Variants in DCAF10 observed in about 807,000 individuals in gnomAD.
DCAF10 encodes the protein DDB1- and CUL4-associated factor 10.
DCAF10 carries 19 observed loss-of-function variants against 51.9 expected under a neutral mutation model. The ratio of observed to expected loss-of-function variants is 0.37; its 90% CI spans 0.26 to 0.54. The LOEUF (loss-of-function observed/expected upper bound fraction) is 0.54, where lower values mean the gene tolerates loss of function less well. Ranked by LOEUF, DCAF10 falls within the 20% of genes least tolerant of loss-of-function variation. DCAF10 has a pLI of 0.87. For synonymous variants in DCAF10, 291 were observed against 297.1 expected, an observed-to-expected ratio of 0.98 and a Z score of 0.21; for missense variants, 510 against 730.6, an observed-to-expected ratio of 0.70 and a Z score of 3.48.
intron 2 of DCAF10, among the ~76,000 whole-genome samples, chr9:37,827,862 T>C (rs971072325): frequency 1.2e-4 from 19 of 152,268 alleles, no homozygotes; most frequent in South Asian, 2.1e-4. Flanking sequence ...GGCTGTGGCA[T>C]TGGGGACAGA....
intron 2 of DCAF10, among the ~76,000 whole-genome samples, chr9:37,833,063 T>C (rs1241553558): frequency 2.6e-5 from 4 of 152,082 alleles, no homozygotes; most frequent in African/African-American, 9.7e-5. Flanking sequence ...ATAGGGTTTC[T>C]CTATGTTGCC....
In DCAF10 at chr9:37,861,197, T is replaced by A; in HGVS notation, c.1369T>A (p.Cys457Ser). The change falls in exon 7 of 7, where the codon TGT (cysteine) becomes AGT (serine). Residue 457 changes from cysteine to serine, a missense_variant. Around this residue, in one of 4 missense-constraint regions of DCAF10, gnomAD observed 104 missense variants for 206.2 expected, o/e 0.50. Transcript: ENST00000377724. The surrounding 1 kb of genome is among the most constrained non-coding windows in gnomAD (Gnocchi z 4.9). The part of the protein sequence containing the change: ...GAPVRPVSPR[C>S]SLRLTHYIEE... ...TCCAGTGCGACCTGTCTCACCTCGC[T>A]GTTCTCTACGACTGACTCATTACAT... 6.2e-7 allele frequency: 1 copy of A among 1,611,570 alleles called. No homozygotes were observed. Among genetic ancestry groups the A allele is most frequent in the Non-Finnish European group, 8.5e-7 (1 of 1,177,702 alleles).
At chr9:37,807,837 T>G (rs1341545807) in intron 1 of DCAF10, among the ~76,000 whole-genome samples, 4 of 151,940 alleles carry the variant, frequency 2.6e-5, no homozygotes, top group African/African-American at 9.7e-5. Context: ...TAATTTTGTA[T>G]TTTTAGTAGA....
chr9:37,844,663 A>G (rs746552195), intron 3 of DCAF10, among the ~76,000 whole-genome samples: 3 of 151,736 alleles, frequency 2.0e-5, no homozygotes, highest in African/African-American at 7.3e-5. Flanking sequence ...AACAATAACA[A>G]CAGCAACAAC....
intron 1 of DCAF10, among the ~76,000 whole-genome samples, chr9:37,803,009 GAGA>G (rs1270248472): frequency 6.6e-6 from 1 of 152,152 alleles, no homozygotes; most frequent in Non-Finnish European, 1.5e-5. Flanking sequence ...GGAGTATAAT[GAGA>G]AGAACAGATT....
intron 3 of DCAF10, among the ~76,000 whole-genome samples, chr9:37,850,826 T>TTATATATATA (rs71494679): frequency 1.1e-3 from 49 of 45,826 alleles, no homozygotes; most frequent in East Asian, 2.5e-3. Context: ...AGGATATATT[T>TTATATATATA]TATATATATA....
chr9:37,824,672 T>G (rs1829803130), intron 2 of DCAF10, among the ~76,000 whole-genome samples: 1 of 152,072 alleles, frequency 6.6e-6, no homozygotes, highest in Non-Finnish European at 1.5e-5. Flanking sequence ...TTTTCTTTGT[T>G]AAGAGTCAAC....
Position 37,800,954 on chromosome 9 carries a change from G to A in DCAF10, c.88G>A (p.Ala30Thr). Reference protein sequence around the residue: ...EEPTPHEGQAAATGPPSPLHP... With the variant: ...EEPTPHEGQATATGPPSPLHP... The stretch of plus-strand genomic sequence containing the variant: ...GCCGACGCCCCACGAGGGGCAGGCA[G>A]CAGCCACCGGGCCGCCCTCGCCACT... Residue 30 changes from alanine to threonine, a missense_variant, in exon 1 of 7, where the codon GCA (alanine) becomes ACA (threonine). By Grantham distance (58) the Ala-to-Thr change is moderately conservative. Coordinates refer to ENST00000377724, the MANE Select transcript of DCAF10 (RefSeq NM_024345.5). 6.7e-7 allele frequency: 1 copy of A among 1,502,454 alleles called. No homozygotes were observed. The highest frequency in any genetic ancestry group is 8.8e-7 in the Non-Finnish European group (1 of 1,133,300). 93.1% of individuals were successfully genotyped at this position (1,502,454 alleles called of 1,614,324 possible). A position where few individuals can be genotyped will look rare whatever the true frequency, so the allele number is the denominator to read the frequency against.
chr9:37,824,940 C>G (rs1389114052), intron 2 of DCAF10, among the ~76,000 whole-genome samples: 1 of 151,988 alleles, frequency 6.6e-6, no homozygotes, highest in South Asian at 2.1e-4. Flanking sequence ...AAAGCAAAAA[C>G]AGAATTATAA....
rs1293726264 is a variant in DCAF10 at position 37,865,161 on chromosome 9, CAT to C, written c.*3655_*3656del. On this transcript the variant is annotated 3_prime_UTR_variant, in exon 7 of 7. Coordinates refer to ENST00000377724, the MANE Select transcript of DCAF10 (RefSeq NM_024345.5). ...AGATTAACAATTTCCATGAGAATAT[CAT>C]AAACTCAGGGCACACATTCTGGCCA... The C allele has an allele frequency of 1.3e-5, 2 of 151,274 alleles. No individual in the cohort carries two copies. The highest frequency in any genetic ancestry group is 2.4e-5 in the African/African-American group (1 of 41,108). The allele number at this position is 151,274 out of a possible 1,614,324, so 9.4% of individuals were successfully genotyped here. A position where few individuals can be genotyped will look rare whatever the true frequency, so the allele number is the denominator to read the frequency against.
chr9:37,842,045 A>G (rs1830351554), intron 2 of DCAF10, 44 bp from the exon 3 acceptor site: 2 of 1,564,850 alleles, frequency 1.3e-6, no homozygotes, highest in South Asian at 2.4e-5. Context: ...TTTCCTTTAA[A>G]AAGAGATTAA....
chr9:37,806,499 T>G (rs934968397), intron 1 of DCAF10, among the ~76,000 whole-genome samples: 1 of 152,194 alleles, frequency 6.6e-6, no homozygotes, highest in African/African-American at 2.4e-5. Flanking sequence ...CTGCCTACCT[T>G]TCTCATATCA....
intron 2 of DCAF10, chr9:37,835,921 T>C: frequency 8.5e-7 from 1 of 1,173,342 alleles, no homozygotes. Flanking sequence ...CCACTTCATA[T>C]TGGTACTGAG....
Position 37,800,866 on chromosome 9 carries a change from C to T in DCAF10, c.-1C>T, listed in dbSNP as rs1389374363. Reference sequence around the variant, plus strand: ...CGGAGCGGGGGGCGGGGGCGTTGATCATGTTTCCCTTTGGGCCCCATAGCC... The same window carrying T: ...CGGAGCGGGGGGCGGGGGCGTTGATTATGTTTCCCTTTGGGCCCCATAGCC... On this transcript the variant is annotated 5_prime_UTR_variant, in exon 1 of 7. Transcript: ENST00000377724. 5.4e-6 allele frequency: 8 copies of T among 1,491,734 alleles called. No individual in the cohort carries two copies. Among genetic ancestry groups the T allele is most frequent in the East Asian group, 2.5e-5 (1 of 40,480 alleles). 92.4% of individuals were successfully genotyped at this position (1,491,734 alleles called of 1,614,324 possible). A position where few individuals can be genotyped will look rare whatever the true frequency, so the allele number is the denominator to read the frequency against.
chr9:37,819,177 GCA>G, intron 1 of DCAF10, 109 bp from the exon 2 acceptor site: 2 of 741,096 alleles, frequency 2.7e-6, no homozygotes, highest in Non-Finnish European at 4.3e-6. Flanking sequence ...ACTAACATGG[GCA>G]AAAAAAAAAA....
At chr9:37,833,005 C>T (rs1274878577) in intron 2 of DCAF10, among the ~76,000 whole-genome samples, 1 of 152,190 alleles carries the variant, frequency 6.6e-6, no homozygotes. Flanking sequence ...TCTCCTGCCT[C>T]AGCCTCTCAA....
chr9:37,801,428 C>T lies in DCAF10; in HGVS notation c.539+23C>T. Reference sequence around the variant, plus strand: ...CGGGTAAGCGCGGCCCCTCGGAGGGCGGGCGCCCGCCTCCGCCCGGCTCTG... The same window carrying T: ...CGGGTAAGCGCGGCCCCTCGGAGGGTGGGCGCCCGCCTCCGCCCGGCTCTG... On this transcript the variant is annotated intron_variant, in intron 1 of 6. Coordinates refer to ENST00000377724, the MANE Select transcript of DCAF10 (RefSeq NM_024345.5). This position sits in a 1 kb window ranked among gnomAD's most constrained non-coding sequence, Gnocchi z 5.5. The T allele has an allele frequency of 7.0e-7, 1 of 1,422,028 alleles. No individual in the cohort carries two copies. The highest frequency in any genetic ancestry group is 9.2e-7 in the Non-Finnish European group (1 of 1,085,970). The allele number at this position is 1,422,028 out of a possible 1,614,324, so 88.1% of individuals were successfully genotyped here.
chr9:37,829,949 G>C lies in DCAF10; in HGVS notation c.653+10548G>C, dbSNP rs191894544. 6.4e-3 allele frequency among the ~76,000 whole-genome samples: 970 copies of C among 152,284 alleles called. 5 individuals carry two copies. The highest frequency in any genetic ancestry group is 9.4e-3 in the Non-Finnish European group (640 of 68,020). Reference sequence around the variant, plus strand: ...GCCCAGGAGTTTGAGGCTGCAGGGAGCCATGATTGCACCACTGCATTCCAG... The same window carrying C: ...GCCCAGGAGTTTGAGGCTGCAGGGACCCATGATTGCACCACTGCATTCCAG... On this transcript the variant is annotated intron_variant, in intron 2 of 6. Coordinates refer to ENST00000377724, the MANE Select transcript of DCAF10 (RefSeq NM_024345.5). This position sits in a 1 kb window ranked among gnomAD's most constrained non-coding sequence, Gnocchi z 4.2.
At chr9:37,804,504 C>A (rs1157376655) in intron 1 of DCAF10, among the ~76,000 whole-genome samples, 1 of 152,032 alleles carries the variant, frequency 6.6e-6, no homozygotes, top group Non-Finnish European at 1.5e-5. Flanking sequence ...GGGCCGGGTA[C>A]GGTGGCTCAC....
Sources: gnomAD v4.1 joint callset for allele counts (sites outside exome capture counted in the v4.1 genomes callset) on GRCh38, gnomAD v4.1.1 for gene constraint, gnomAD v4.1.1 regional missense constraint, Gnocchi (gnomAD v3.1) non-coding constraint, MANE v1.5 for transcripts, NCBI Gene and HGNC (gene_info 2026-07-23, HGNC 2026-07-21) for gene names.